The following ENTPD1 variants were observed in gnomAD, a reference collection of about 807,000 sequenced individuals.
ENTPD1 encodes the protein ectonucleoside triphosphate diphosphohydrolase 1.
In ENTPD1, 33 loss-of-function variants were observed where a neutral mutation model predicts 57.0. The observed-to-expected ratio is 0.58, with a 90% CI of 0.44 to 0.77. ENTPD1 has a LOEUF of 0.77. ENTPD1 is among the 30% of genes least tolerant of loss of function. ENTPD1 has a pLI of 0.00. For synonymous variants in ENTPD1, 202 were observed against 218.8 expected, an observed-to-expected ratio of 0.92 and a Z score of 0.68; for missense variants, 501 against 603.4, an observed-to-expected ratio of 0.83 and a Z score of 1.78.
chr10:95,755,849 G>A, upstream of ENTPD1: 1 of 1,505,138 alleles, frequency 6.6e-7, no homozygotes, highest in Non-Finnish European at 8.9e-7. Flanking sequence ...CTTTTTCAAG[G>A]GAGAAAAAGG....
chr10:95,864,210 T>C (rs917311970), intron 8 of ENTPD1, among the ~76,000 whole-genome samples: 31 of 152,324 alleles, frequency 2.0e-4, no homozygotes, highest in African/African-American at 7.5e-4. Context: ...TCTCAAACTT[T>C]ACTGTGCACG....
intron 1 of ENTPD1, among the ~76,000 whole-genome samples, chr10:95,762,040 T>G (rs1437242085): frequency 6.6e-6 from 1 of 152,084 alleles, no homozygotes; most frequent in African/African-American, 2.4e-5. Context: ...AAATAAGTTG[T>G]TGGAGAAAAA....
rs535961655 is a variant in ENTPD1, at chr10:95,873,766, T to C, written c.*7383T>C. On this transcript the variant is annotated 3_prime_UTR_variant, in exon 10 of 10. Transcript: ENST00000371205. ...GAGACTGGAAACAAAAAGGGTTTAA[T>C]TGGACTTACAGTTCCACATGGCTGG... 3 of 935,792 alleles carry C rather than the reference T, an allele frequency of 3.2e-6. No homozygotes were observed. Among genetic ancestry groups the C allele is most frequent in the East Asian group, 1.2e-4 (1 of 8,568 alleles). 58.0% of individuals were successfully genotyped at this position (935,792 alleles called of 1,614,324 possible).
intron 1 of ENTPD1, among the ~76,000 whole-genome samples, chr10:95,714,504 G>A (rs911327893): frequency 6.6e-6 from 1 of 151,904 alleles, no homozygotes; most frequent in Non-Finnish European, 1.5e-5. Context: ...GTATTATTTT[G>A]TCTACCAAAC....
intron 1 of ENTPD1, among the ~76,000 whole-genome samples, chr10:95,779,796 A>T (rs1286308102): frequency 2.0e-5 from 3 of 152,180 alleles, no homozygotes; most frequent in Admixed American, 1.3e-4. Flanking sequence ...AAATTGCACA[A>T]ACAAACACTA....
intron 2 of ENTPD1, among the ~76,000 whole-genome samples, chr10:95,826,320 C>T (rs1317903884): frequency 6.6e-6 from 1 of 151,980 alleles, no homozygotes; most frequent in Non-Finnish European, 1.5e-5. Flanking sequence ...TGCCTGTAAT[C>T]GAAGCAGTTT....
intron 1 of ENTPD1, among the ~76,000 whole-genome samples, chr10:95,722,019 T>G (rs934137835): frequency 6.6e-6 from 1 of 152,150 alleles, no homozygotes; most frequent in Non-Finnish European, 1.5e-5. Context: ...CAAGATACAT[T>G]CCAATAAATA....
At chr10:95,757,755 A>C (rs1451320523) in intron 1 of ENTPD1, among the ~76,000 whole-genome samples, 1 of 152,086 alleles carries the variant, frequency 6.6e-6, no homozygotes, top group East Asian at 1.9e-4. Context: ...CTGTAATCCC[A>C]GCACTTTGGG....
intron 8 of ENTPD1, among the ~76,000 whole-genome samples, 156 bp downstream of exon 8, chr10:95,860,738 C>A (rs767182231): frequency 6.6e-6 from 1 of 152,240 alleles, no homozygotes; most frequent in Non-Finnish European, 1.5e-5. Context: ...ATGAATTTAT[C>A]AGCATTCCTT....
intron 1 of ENTPD1, among the ~76,000 whole-genome samples, chr10:95,763,372 ATTT>A (rs2098074904): frequency 6.6e-6 from 1 of 152,064 alleles, no homozygotes. Flanking sequence ...AATGATTTTT[ATTT>A]TTGTTTGCCA....
chr10:95,871,618 G>T lies in ENTPD1; in HGVS notation c.*5235G>T. On this transcript the variant is annotated 3_prime_UTR_variant, in exon 10 of 10. Transcript: ENST00000371205. Reference sequence around the variant, plus strand: ...CCATGAGCCTTCTCTTTAGAAAAGTGGCATTCAAGACTCTTCATTTGAAGT... The same window carrying T: ...CCATGAGCCTTCTCTTTAGAAAAGTTGCATTCAAGACTCTTCATTTGAAGT... 1 of 985,386 alleles carries T rather than the reference G, an allele frequency of 1.0e-6. No individual in the cohort carries two copies. The highest frequency in any genetic ancestry group is 1.2e-6 in the Non-Finnish European group (1 of 829,918). 61.0% of individuals were successfully genotyped at this position (985,386 alleles called of 1,614,324 possible).
At chr10:95,710,270 TG>T (rs2097964476), upstream of ENTPD1, among the ~76,000 whole-genome samples, 1 of 151,914 alleles carries the variant, frequency 6.6e-6, no homozygotes, top group Admixed American at 6.6e-5. Context: ...CCGGGTGTGG[TG>T]GTGCTGGCCT....
intron 1 of ENTPD1, among the ~76,000 whole-genome samples, chr10:95,819,301 C>T (rs911499489): frequency 6.6e-6 from 1 of 152,026 alleles, no homozygotes; most frequent in African/African-American, 2.4e-5. Flanking sequence ...ATAGCTGGGA[C>T]TACAGGCATA....
chr10:95,806,600 C>T (rs1326611341), intron 1 of ENTPD1, among the ~76,000 whole-genome samples: 2 of 152,234 alleles, frequency 1.3e-5, no homozygotes, highest in African/African-American at 4.8e-5. Context: ...CTTTCCTGCT[C>T]TGGTTTCACC....
intron 1 of ENTPD1, among the ~76,000 whole-genome samples, chr10:95,808,648 T>C (rs554038272): frequency 6.6e-6 from 1 of 152,216 alleles, no homozygotes; most frequent in South Asian, 2.1e-4. Context: ...AATGGTGTAC[T>C]TGAGTCCACA....
At chr10:95,796,929 A>T (rs868514642) in intron 1 of ENTPD1, among the ~76,000 whole-genome samples, 23 of 152,010 alleles carry the variant, frequency 1.5e-4, no homozygotes, top group African/African-American at 5.3e-4. Context: ...AAAATTAGCC[A>T]GGTGCGGTGG....
At chr10:95,711,773 T>G, upstream of ENTPD1, 1 of 724,998 alleles carries the variant, frequency 1.4e-6, no homozygotes, top group Non-Finnish European at 2.3e-6. Flanking sequence ...CATTCTGCAG[T>G]CTCCTGTGTA....
intron 2 of ENTPD1, among the ~76,000 whole-genome samples, chr10:95,830,603 C>T (rs1013635862): frequency 6.6e-6 from 1 of 151,956 alleles, no homozygotes; most frequent in African/African-American, 2.4e-5. Flanking sequence ...GTCAGGAGTT[C>T]GACACCAGCC....
chr10:95,869,417 T>C lies in ENTPD1; in HGVS notation c.*3034T>C. ...GGTGCCCACCACCACACCCGGCTAA[T>C]TTTTGTATTTTTAGTAAAGACAGGG... On this transcript the variant is annotated 3_prime_UTR_variant, in exon 10 of 10. Transcript: ENST00000371205. The C allele has an allele frequency of 2.9e-6, 2 of 678,754 alleles. No homozygotes were observed. Among genetic ancestry groups the C allele is most frequent in the Non-Finnish European group, 3.6e-6 (2 of 550,224 alleles). 42.0% of individuals were successfully genotyped at this position (678,754 alleles called of 1,614,324 possible). A position where few individuals can be genotyped will look rare whatever the true frequency, so the allele number is the denominator to read the frequency against.
Sources: gnomAD v4.1 joint callset for allele counts (sites outside exome capture counted in the v4.1 genomes callset) on GRCh38, gnomAD v4.1.1 for gene constraint, MANE v1.5 for transcripts, NCBI Gene and HGNC (gene_info 2026-07-23, HGNC 2026-07-21) for gene names.